The following CHST9 variants were observed in gnomAD, a reference collection of about 807,000 sequenced individuals.
CHST9 encodes the protein GalNAc-4-sulfotransferase 2.
CHST9 carries 41 observed loss-of-function variants against 44.4 expected under a neutral mutation model. The ratio of observed to expected loss-of-function variants is 0.92; its 90% CI spans 0.72 to 1.20. The LOEUF (loss-of-function observed/expected upper bound fraction) is 1.20, where lower values mean the gene tolerates loss of function less well. Ranked by LOEUF, CHST9 falls within the 50% of genes most tolerant of loss-of-function variation. The pLI is 0.00. For missense variants in CHST9, 504 were observed against 516.5 expected, an observed-to-expected ratio of 0.98 and a Z score of 0.23; for synonymous variants, 171 against 178.4, an observed-to-expected ratio of 0.96 and a Z score of 0.33.
intron 4 of CHST9, among the ~76,000 whole-genome samples, chr18:26,973,185 C>T (rs2056574385): frequency 6.6e-6 from 1 of 152,196 alleles, no homozygotes; most frequent in Non-Finnish European, 1.5e-5. Flanking sequence ...TTACTGCAGT[C>T]TGCAGTCCTA....
chr18:26,917,698 C>T (rs2055563074), intron 5 of CHST9, among the ~76,000 whole-genome samples: 1 of 152,052 alleles, frequency 6.6e-6, no homozygotes. Context: ...AGTTTGTGCA[C>T]CTGAATGTAG....
intron 3 of CHST9, among the ~76,000 whole-genome samples, chr18:27,027,721 T>G (rs1026738524): frequency 2.0e-5 from 3 of 152,180 alleles, no homozygotes; most frequent in African/African-American, 7.2e-5. Context: ...TAGCCACATA[T>G]TTCCAGTTCT....
rs139432490 is a variant in CHST9, at chr18:26,972,442, T to G, written c.203-28076A>C. Among the ~76,000 whole-genome samples the G allele has an allele frequency of 1.9e-4, 29 of 149,736 alleles. No individual in the cohort carries two copies. The East Asian group carries it at 5.5e-3, about 28-fold the overall frequency. ...TTGAAGGAGGTGACAGAGTCAGTCA[T>G]GCAGCTATCCTGGGAGAAAGGGTTC... On this transcript the variant is annotated intron_variant, in intron 4 of 5. Coordinates refer to ENST00000618847, the MANE Select transcript of CHST9 (RefSeq NM_031422.6).
chr18:26,989,555 G>A (rs2145205422), intron 4 of CHST9, among the ~76,000 whole-genome samples: 1 of 152,288 alleles, frequency 6.6e-6, no homozygotes, highest in East Asian at 1.9e-4. Context: ...AACTACCCTT[G>A]ATCCAACCTT....
intron 4 of CHST9, among the ~76,000 whole-genome samples, chr18:27,000,176 G>C (rs1016266430): frequency 1.3e-5 from 2 of 152,134 alleles, no homozygotes; most frequent in African/African-American, 4.8e-5. Context: ...TATCCACCCC[G>C]GTTTTCAAAG....
chr18:26,988,832 A>G (rs1006499500), intron 4 of CHST9, among the ~76,000 whole-genome samples: 1 of 152,182 alleles, frequency 6.6e-6, no homozygotes, highest in South Asian at 2.1e-4. Flanking sequence ...CAAGTCATGT[A>G]ACATATGTTT....
chr18:27,066,933 A>G (rs1483921153), intron 2 of CHST9, among the ~76,000 whole-genome samples: 1 of 152,180 alleles, frequency 6.6e-6, no homozygotes, highest in Non-Finnish European at 1.5e-5. Context: ...ATTATTTTTA[A>G]TAAGGCCTTA....
intron 3 of CHST9, among the ~76,000 whole-genome samples, chr18:27,040,535 C>T (rs2057433609): frequency 6.6e-6 from 1 of 152,074 alleles, no homozygotes; most frequent in Non-Finnish European, 1.5e-5. Context: ...GGAATTCCTC[C>T]AACTGCCACT....
chr18:26,936,863 A>T (rs2056002151), intron 5 of CHST9, among the ~76,000 whole-genome samples: 1 of 152,212 alleles, frequency 6.6e-6, no homozygotes, highest in South Asian at 2.1e-4. Context: ...GCTAATTTAC[A>T]TTAAATGGTA....
chr18:27,178,908 A>G (rs1162294463), intron 1 of CHST9, among the ~76,000 whole-genome samples: 1 of 152,034 alleles, frequency 6.6e-6, no homozygotes, highest in East Asian at 1.9e-4. Context: ...GTATTGGACT[A>G]GTGCAGTTCT....
intron 2 of CHST9, among the ~76,000 whole-genome samples, chr18:27,070,104 C>T (rs1167734171): frequency 6.6e-6 from 1 of 152,106 alleles, no homozygotes; most frequent in Non-Finnish European, 1.5e-5. Context: ...TAGGATAATG[C>T]CCATTCAAGA....
intron 4 of CHST9, among the ~76,000 whole-genome samples, chr18:26,967,035 G>A (rs2056474586): frequency 6.6e-6 from 1 of 151,998 alleles, no homozygotes; most frequent in African/African-American, 2.4e-5. Flanking sequence ...TTTGGGGGAT[G>A]GGTCAAAAGG....
chr18:27,024,172 G>A lies in CHST9; in HGVS notation c.161-15C>T. On this transcript the variant is annotated splice_polypyrimidine_tract_variant and intron_variant, in intron 3 of 5. Transcript: ENST00000618847. ...TGGTCCCCATCCTGAAAAAGAAGAG[G>A]AAAGAAATTCATATATTACCATCAC... The A allele has an allele frequency of 6.2e-7, 1 of 1,607,598 alleles. No homozygotes were observed. Among genetic ancestry groups the A allele is most frequent in the Non-Finnish European group, 8.5e-7 (1 of 1,177,012 alleles).
At chr18:27,082,723 A>G (rs978748349) in intron 2 of CHST9, among the ~76,000 whole-genome samples, 3 of 152,314 alleles carry the variant, frequency 2.0e-5, no homozygotes, top group Admixed American at 2.0e-4. Flanking sequence ...AGAAAAAGAT[A>G]TAACTTTGTG....
intron 2 of CHST9, among the ~76,000 whole-genome samples, chr18:27,126,229 G>T (rs528452165): frequency 6.6e-6 from 1 of 152,244 alleles, no homozygotes; most frequent in South Asian, 2.1e-4. Flanking sequence ...AAGAGAGAAG[G>T]CATACACCTG....
intron 2 of CHST9, among the ~76,000 whole-genome samples, chr18:27,053,881 A>G (rs993277263): frequency 4.6e-5 from 7 of 152,172 alleles, no homozygotes; most frequent in African/African-American, 1.7e-4. Context: ...TCCTCTGTGA[A>G]GTCTTTTCTT....
chr18:27,137,302 A>ATG (rs1406932181), intron 2 of CHST9, among the ~76,000 whole-genome samples: 4 of 29,596 alleles, frequency 1.4e-4, no homozygotes, highest in African/African-American at 4.7e-4. Flanking sequence ...ATTTATTTAT[A>ATG]TATGTGTGTG....
In CHST9 at chr18:26,906,718, G is replaced by C. The variant is rs2055377083; in HGVS notation, c.*9541C>G. On this transcript the variant is annotated 3_prime_UTR_variant, in exon 6 of 6. Transcript: ENST00000618847. ...TCCTAACCATCCTACATAGAATCCT[G>C]CTTCCCAATCTCTCATAGTACTCAG... The C allele has an allele frequency of 6.6e-6, 1 of 152,090 alleles. No individual in the cohort carries two copies. Among genetic ancestry groups the C allele is most frequent in the African/African-American group, 2.4e-5 (1 of 41,400 alleles). 9.4% of individuals were successfully genotyped at this position (152,090 alleles called of 1,614,324 possible). A position where few individuals can be genotyped will look rare whatever the true frequency, so the allele number is the denominator to read the frequency against.
intron 2 of CHST9, among the ~76,000 whole-genome samples, chr18:27,131,855 TAC>T (rs2058474611): frequency 1.3e-5 from 2 of 152,256 alleles, no homozygotes; most frequent in Non-Finnish European, 2.9e-5. Flanking sequence ...ATCCAAATTT[TAC>T]ACAGAGTCTT....
Sources: gnomAD v4.1 joint callset for allele counts (sites outside exome capture counted in the v4.1 genomes callset) on GRCh38, gnomAD v4.1.1 for gene constraint, MANE v1.5 for transcripts, NCBI Gene and HGNC (gene_info 2026-07-23, HGNC 2026-07-21) for gene names.